Variants in CXCR4 observed in about 807,000 individuals in gnomAD.
CXCR4 encodes C-X-C motif chemokine receptor 4.
In CXCR4, 6 loss-of-function variants were observed where a neutral mutation model predicts 22.4. The ratio of observed to expected loss-of-function variants is 0.27; its 90% CI spans 0.15 to 0.53. The LOEUF is 0.53. CXCR4 is among the 20% of genes least tolerant of loss of function. The pLI is 0.96. For missense variants in CXCR4, 300 were observed against 430.4 expected, an observed-to-expected ratio of 0.70 and a Z score of 2.68; for synonymous variants, 155 against 171.7, an observed-to-expected ratio of 0.90 and a Z score of 0.76.
intron 1 of CXCR4, among the ~76,000 whole-genome samples, chr2:136,116,702 G>A (rs544207403): frequency 6.6e-6 from 1 of 152,298 alleles, no homozygotes; most frequent in African/African-American, 2.4e-5. Flanking sequence ...GGTGGAGAAG[G>A]TAACGGGGTC....
chr2:136,117,514 T>A (rs1684938086), intron 1 of CXCR4: 1 of 154,582 alleles, frequency 6.5e-6, no homozygotes, highest in Admixed American at 6.6e-5. Context: ...CGCACAGAGT[T>A]TAACAAACAC....
At chr2:136,116,594 T>TC (rs1684900499) in intron 1 of CXCR4, among the ~76,000 whole-genome samples, 1 of 152,082 alleles carries the variant, frequency 6.6e-6, no homozygotes, top group African/African-American at 2.4e-5. Context: ...CGGCACCTCC[T>TC]CCCCCAAGCG....
At chr2:136,118,023 A>C (rs1178026148) in intron 1 of CXCR4, 23 bp downstream of exon 1, 8 of 1,613,110 alleles carry the variant, frequency 5.0e-6, no homozygotes, top group Non-Finnish European at 6.8e-6. Context: ...ATTTATGACA[A>C]AGCAGGTTGA....
At chr2:136,116,155 T>C in intron 1 of CXCR4, 1 of 1,419,354 alleles carries the variant, frequency 7.0e-7, no homozygotes, top group Non-Finnish European at 9.2e-7. Context: ...ATTCTTTGTT[T>C]AGAACAAAAG....
chr2:136,117,991 C>G (rs1415716193), intron 1 of CXCR4, 55 bp downstream of exon 1: 3 of 1,590,594 alleles, frequency 1.9e-6, no homozygotes, highest in Middle Eastern at 1.7e-4. Flanking sequence ...AGGGGCTGCG[C>G]TCTAAGTTCA....
intron 1 of CXCR4, chr2:136,117,561 C>T (rs1470521603): frequency 1.2e-5 from 2 of 161,982 alleles, no homozygotes; most frequent in African/African-American, 4.8e-5. Flanking sequence ...GGCGCTTAAC[C>T]CCGAAGTTAA....
rs557273115 is a variant in CXCR4 at position 136,114,822 on chromosome 2, TA to T, written c.*46del. 1,181 of 1,513,856 alleles carry T rather than the reference TA, an allele frequency of 7.8e-4. 3 individuals carry two copies. The African/African-American group carries it at 0.015, about 19-fold the overall frequency. The allele number at this position is 1,513,856 out of a possible 1,614,324, so 93.8% of individuals were successfully genotyped here. On this transcript the variant is annotated 3_prime_UTR_variant, in exon 2 of 2. Coordinates refer to ENST00000241393, the MANE Select transcript of CXCR4 (RefSeq NM_003467.3). The stretch of plus-strand genomic sequence containing the variant: ...TTTTATATCTGAAAAATGTGTAACT[TA>T]AAAAAAAGTTATTTATCGTATAAAA...
Position 136,115,231 on chromosome 2 carries a change from G to C in CXCR4, c.697C>G (p.Gln233Glu). ...GTGGTCTTGAGGGCCTTGCGCTTCT[G>C]GTGGCCCTTGGAGTGTGACAGCTTG... ...ISKLSHSKGH[Q>E]KRKALKTTVI... The change falls in exon 2 of 2, where the codon CAG (glutamine) becomes GAG (glutamate). Residue 233 changes from glutamine (Q) to glutamate (E), a missense_variant. Physicochemically the swap from Gln to Glu is conservative, Grantham distance 29. Coordinates refer to ENST00000241393, the MANE Select transcript of CXCR4 (RefSeq NM_003467.3). The surrounding 1 kb of genome is among the most constrained non-coding windows in gnomAD (Gnocchi z 6.4). 1 of 1,614,088 alleles carries C rather than the reference G, an allele frequency of 6.2e-7. No homozygotes were observed. The highest frequency in any genetic ancestry group is 8.5e-7 in the Non-Finnish European group (1 of 1,180,010).
chr2:136,115,737 C>G lies in CXCR4; in HGVS notation c.191G>C (p.Gly64Ala), dbSNP rs1479506035. ...CATGCTTCTCAGTTTCTTCTGGTAA[C>G]CCATGACCAGGATGACCAATCCATT... ...VGNGLVILVMGYQKKLRSMTD... is the reference protein window; with the variant it reads ...VGNGLVILVMAYQKKLRSMTD... The change falls in exon 2 of 2, where the codon GGT (glycine) becomes GCT (alanine). Residue 64 changes from glycine to alanine, a missense_variant. This residue lies in a region of CXCR4 where 118 missense variants were observed against 188.2 expected (regional missense o/e 0.63). Coordinates refer to ENST00000241393, the MANE Select transcript of CXCR4 (RefSeq NM_003467.3). This position sits in a 1 kb window ranked among gnomAD's most constrained non-coding sequence, Gnocchi z 6.4. 1 of 1,614,176 alleles carries G rather than the reference C, an allele frequency of 6.2e-7. No individual in the cohort carries two copies. Among genetic ancestry groups the G allele is most frequent in the Admixed American group, 1.7e-5 (1 of 60,024 alleles).
At position 136,115,713 on chromosome 2, in the gene CXCR4, A is replaced by T; in HGVS notation, c.215T>A (p.Met72Lys). The change falls in exon 2 of 2, where the codon ATG becomes AAG. Residue 72 changes from methionine to lysine, a missense_variant. Physicochemically the swap from Met to Lys is moderately conservative, Grantham distance 95. Transcript: ENST00000241393. This position sits in a 1 kb window ranked among gnomAD's most constrained non-coding sequence, Gnocchi z 6.4. ...VMGYQKKLRS[M>K]TDKYRLHLSV... ...CAGGTGCAGCCTGTACTTGTCCGTC[A>T]TGCTTCTCAGTTTCTTCTGGTAACC... The T allele has an allele frequency of 5.6e-6, 9 of 1,614,226 alleles. No individual in the cohort carries two copies. Among genetic ancestry groups the T allele is most frequent in the Non-Finnish European group, 6.8e-6 (8 of 1,180,044 alleles).
In CXCR4 at chr2:136,115,864, C is replaced by CAT; in HGVS notation, c.62_63dup (p.Asp22MetfsTer4). On this transcript the variant is annotated frameshift_variant, in exon 2 of 2. Transcript: ENST00000241393. LOFTEE classifies it high-confidence loss of function. This position sits in a 1 kb window ranked among gnomAD's most constrained non-coding sequence, Gnocchi z 6.4. ...CGGAAACAGGGTTCCTTCATGGAGT[C>CAT]ATAGTCCCCTGAGCCCATTTCCTCG... 6.2e-7 allele frequency: 1 copy of CAT among 1,614,164 alleles called. No homozygotes were observed. The highest frequency in any genetic ancestry group is 8.5e-7 in the Non-Finnish European group (1 of 1,180,032).
intron 1 of CXCR4, 129 bp downstream of exon 1, chr2:136,117,917 T>A (rs1447259965): frequency 2.2e-6 from 1 of 460,402 alleles, no homozygotes; most frequent in Admixed American, 3.0e-5. Context: ...GAAAACTCCT[T>A]TCGGTGACCC....
chr2:136,117,916 T>C (rs1353510845), intron 1 of CXCR4, 130 bp downstream of exon 1: 1 of 431,886 alleles, frequency 2.3e-6, no homozygotes, highest in Non-Finnish European at 4.2e-6. Flanking sequence ...AGAAAACTCC[T>C]TTCGGTGACC....
chr2:136,117,701 G>A (rs533757205), intron 1 of CXCR4: 3 of 229,398 alleles, frequency 1.3e-5, no homozygotes, highest in Admixed American at 5.9e-5. Context: ...GAGTCCCGAG[G>A]CAGCGCGCAC....
chr2:136,115,980 T>A lies in CXCR4; in HGVS notation c.16-68A>T, dbSNP rs966885963. 6 of 1,610,932 alleles carry A rather than the reference T, an allele frequency of 3.7e-6. No homozygotes were observed. Among genetic ancestry groups the A allele is most frequent in the African/African-American group, 2.7e-5 (2 of 74,898 alleles). On this transcript the variant is annotated intron_variant, in intron 1 of 1. Transcript: ENST00000241393. The surrounding 1 kb of genome is among the most constrained non-coding windows in gnomAD (Gnocchi z 6.4). ...CAAGCATTAACCCAGTTAAAAAAAATTTTTAAAGCAATTTAAAAAACCAAT... is the reference window on the plus strand; with the variant it reads ...CAAGCATTAACCCAGTTAAAAAAAAATTTTAAAGCAATTTAAAAAACCAAT...
In CXCR4 at chr2:136,115,066, C is replaced by CG; in HGVS notation, c.861dup (p.Glu288ArgfsTer23). The CG allele has an allele frequency of 6.2e-7, 1 of 1,614,146 alleles. No individual in the cohort carries two copies. The highest frequency in any genetic ancestry group is 8.5e-7 in the Non-Finnish European group (1 of 1,180,034). ...CAACAGTGGAAGAAAGCTAGGGCCT[C>CG]GGTGATGGAAATCCACTTGTGCACA... On this transcript the variant is annotated frameshift_variant, in exon 2 of 2. Coordinates refer to ENST00000241393, the MANE Select transcript of CXCR4 (RefSeq NM_003467.3). LOFTEE classifies it high-confidence loss of function. This position sits in a 1 kb window ranked among gnomAD's most constrained non-coding sequence, Gnocchi z 6.4.
intron 1 of CXCR4, chr2:136,116,236 A>G (rs1006306548): frequency 2.2e-5 from 27 of 1,231,680 alleles, no homozygotes; most frequent in South Asian, 1.8e-4. Context: ...TAGAGGGAAG[A>G]AAAAAAACCT....
At chr2:136,117,871 C>CT in intron 1 of CXCR4, 175 bp downstream of exon 1, 4 of 137,032 alleles carry the variant, frequency 2.9e-5, no homozygotes, top group Non-Finnish European at 4.7e-5. Flanking sequence ...AATCCTGCTC[C>CT]CCCCCCACCC....
In CXCR4 at chr2:136,114,941, G is replaced by A. The variant is rs1284991536; in HGVS notation, c.987C>T (p.Leu329=). The change falls in exon 2 of 2, where the codon CTC becomes CTT. Residue 329 remains leucine (L), a synonymous_variant. Transcript: ENST00000241393. ...SVSRGSSLKI[L]SKGKRGGHSS... Reference sequence around the variant, plus strand: ...AATGTCCACCTCGCTTTCCTTTGGAGAGGATCTTGAGGCTGGACCCTCTGC... The same window carrying A: ...AATGTCCACCTCGCTTTCCTTTGGAAAGGATCTTGAGGCTGGACCCTCTGC... 3 of 1,613,286 alleles carry A rather than the reference G, an allele frequency of 1.9e-6. No homozygotes were observed. In the South Asian group the frequency reaches 3.3e-5, roughly 18 times the overall value.
Sources: allele counts gnomAD v4.1 joint callset (sites outside exome capture counted in the v4.1 genomes callset), GRCh38; gene constraint gnomAD v4.1.1; regional missense constraint gnomAD v4.1.1; non-coding constraint Gnocchi (gnomAD v3.1); transcripts MANE v1.5; gene names NCBI Gene and HGNC (gene_info 2026-07-23, HGNC 2026-07-21).